PLAC1: variants seen among roughly 807,000 people sequenced by gnomAD.
PLAC1 encodes placenta associated 1.
For missense variants in PLAC1, 136 were observed against 163.2 expected, an observed-to-expected ratio of 0.83 and a Z score of 0.91; for synonymous variants, 68 against 62.1, an observed-to-expected ratio of 1.09 and a Z score of -0.44.
At chrX:134,632,203 C>G (rs1382098476) in intron 1 of PLAC1, among the ~76,000 whole-genome samples, 2 of 111,622 alleles carry the variant, frequency 1.8e-5, no homozygotes, top group Non-Finnish European at 3.8e-5. Flanking sequence ...ACAGAGACAG[C>G]TGGGCAAAGT....
Position 134,590,951 on chromosome X carries a change from G to C in PLAC1, c.-59+11100C>G, listed in dbSNP as rs887751041. On this transcript the variant is annotated intron_variant, in intron 2 of 2. Transcript: ENST00000359237. ...AGAGACATTTTAACATCAGTTGTCA[G>C]ATACAGAGTTGGGGCTGCAGATGGG... is the stretch of plus-strand genomic sequence containing the variant. Among the ~76,000 whole-genome samples the C allele has an allele frequency of 2.9e-5, 3 of 103,738 alleles. No homozygotes were observed. The East Asian group carries it at 9.3e-4, about 32-fold the overall frequency. The allele number at this position is 103,738 out of a possible 115,157, so 90.1% of individuals were successfully genotyped here. A position where few individuals can be genotyped will look rare whatever the true frequency, so the allele number is the denominator to read the frequency against.
chrX:134,687,787 T>C (rs1318055327), intron 2 of PLAC1, among the ~76,000 whole-genome samples: 1 of 88,784 alleles, frequency 1.1e-5, no homozygotes, highest in Non-Finnish European at 2.1e-5. Context: ...AGTACTTACC[T>C]CATAAGTTTG....
intron 2 of PLAC1, among the ~76,000 whole-genome samples, chrX:134,700,169 A>T (rs2078577828): frequency 9.0e-6 from 1 of 111,576 alleles, no homozygotes; most frequent in Admixed American, 9.6e-5. Context: ...CCTTCATCAT[A>T]CTTATGATTA....
intron 1 of PLAC1, among the ~76,000 whole-genome samples, chrX:134,752,285 A>G (rs1381758676): frequency 9.0e-6 from 1 of 111,467 alleles, no homozygotes; most frequent in African/African-American, 3.3e-5. Flanking sequence ...AGTAACCTCC[A>G]CATTGCCTCT....
chrX:134,570,013 A>G (rs1230541846), intron 2 of PLAC1, among the ~76,000 whole-genome samples: 1 of 110,289 alleles, frequency 9.1e-6, no homozygotes, highest in Non-Finnish European at 1.9e-5. Context: ...TATTTTTAGT[A>G]GAGATAGGGT....
chrX:134,729,002 T>A (rs778330892), intron 2 of PLAC1, among the ~76,000 whole-genome samples: 3 of 111,496 alleles, frequency 2.7e-5, no homozygotes, highest in Non-Finnish European at 5.6e-5. Context: ...TATGCTACTA[T>A]GTAAGGAAGA....
At chrX:134,718,456 G>A (rs188801754) in intron 2 of PLAC1, among the ~76,000 whole-genome samples, 10 of 112,434 alleles carry the variant, frequency 8.9e-5, no homozygotes, top group Admixed American at 7.5e-4. Flanking sequence ...GTGAGTCACC[G>A]TTTTTACAGC....
intron 1 of PLAC1, among the ~76,000 whole-genome samples, chrX:134,733,817 A>G (rs2078695680): frequency 1.8e-5 from 2 of 110,757 alleles, no homozygotes; most frequent in Admixed American, 1.9e-4. Flanking sequence ...GGTGAGAGGG[A>G]AAAAAACCAG....
At chrX:134,614,661 G>T (rs1339674442) in intron 1 of PLAC1, among the ~76,000 whole-genome samples, 1 of 110,731 alleles carries the variant, frequency 9.0e-6, no homozygotes, top group Non-Finnish European at 1.9e-5. Context: ...TAGAGATAGA[G>T]TCTCACTTTG....
chrX:134,614,562 C>T (rs764033970), intron 1 of PLAC1, among the ~76,000 whole-genome samples: 36 of 110,792 alleles, frequency 3.2e-4, no homozygotes, highest in African/African-American at 9.9e-4. Context: ...GGATCACCCT[C>T]TCTTCTAGGC....
chrX:134,622,275 C>A (rs140995223), intron 1 of PLAC1, among the ~76,000 whole-genome samples: 1,253 of 111,716 alleles, frequency 0.011, 20 homozygotes, highest in African/African-American at 0.037. Context: ...CCTCATGGGC[C>A]CACGGTGGGC....
At chrX:134,583,434 GTT>G (rs11364556) in intron 2 of PLAC1, among the ~76,000 whole-genome samples, 799 of 77,321 alleles carry the variant, frequency 0.01, 3 homozygotes, top group Non-Finnish European at 0.014. Context: ...CATCTGAGTT[GTT>G]TTTTTTTTTT....
At chrX:134,572,729 T>C (rs2077915479) in intron 2 of PLAC1, among the ~76,000 whole-genome samples, 1 of 110,890 alleles carries the variant, frequency 9.0e-6, no homozygotes, top group South Asian at 3.9e-4. Flanking sequence ...CAAATAACCA[T>C]TGTTAAATTT....
chrX:134,686,579 T>C (rs1333913682), intron 2 of PLAC1, among the ~76,000 whole-genome samples: 3 of 111,645 alleles, frequency 2.7e-5, no homozygotes, highest in Non-Finnish European at 5.6e-5. Context: ...TTAGGGTAGG[T>C]CAGCAGTGAT....
At chrX:134,705,485 G>T in intron 2 of PLAC1, among the ~76,000 whole-genome samples, 1 of 104,858 alleles carries the variant, frequency 9.5e-6, no homozygotes, top group Middle Eastern at 5.2e-3. Context: ...TTCAACAAAA[G>T]TGCTGGATAT....
chrX:134,607,830 C>T (rs1289548309), intron 1 of PLAC1, among the ~76,000 whole-genome samples: 4 of 110,624 alleles, frequency 3.6e-5, no homozygotes, highest in Non-Finnish European at 7.6e-5. Flanking sequence ...AGCCTCGGCA[C>T]TAGAGCAGCA....
chrX:134,637,235 G>A (rs2078287621), intron 1 of PLAC1, among the ~76,000 whole-genome samples: 1 of 111,452 alleles, frequency 9.0e-6, no homozygotes, highest in Non-Finnish European at 1.9e-5. Context: ...GTAGCCATAG[G>A]GGTGCAAGAG....
rs58989876 is a variant in PLAC1 at position 134,763,824 on chromosome X, A to AAAAGAAAG, written n.89+402_89+409dup. ...CAACAAGAAAGAAACTCCGAAAAAA[A>AAAAGAAAG]AAAGAAAGAAAGAAAGAAAGAAAGA... is the stretch of plus-strand genomic sequence containing the variant. On this transcript the variant is annotated intron_variant and non_coding_transcript_variant, in intron 1 of 2. Coordinates refer to the PLAC1 transcript ENST00000466797. 4.7e-3 allele frequency among the ~76,000 whole-genome samples: 428 copies of AAAAGAAAG among 90,502 alleles called. 4 individuals carry two copies. The highest frequency in any genetic ancestry group is 0.012 in the African/African-American group (280 of 24,064). 78.6% of individuals were successfully genotyped at this position (90,502 alleles called of 115,157 possible).
chrX:134,755,732 T>C (rs1382372136), intron 1 of PLAC1, among the ~76,000 whole-genome samples: 1 of 111,483 alleles, frequency 9.0e-6, no homozygotes, highest in Non-Finnish European at 1.9e-5. Context: ...CCTGAGACTT[T>C]TTAGCCTTTT....
Sources: gnomAD v4.1 joint callset for allele counts (sites outside exome capture counted in the v4.1 genomes callset) on GRCh38, gnomAD v4.1.1 for gene constraint, MANE v1.5 for transcripts, NCBI Gene and HGNC (gene_info 2026-07-23, HGNC 2026-07-21) for gene names.